GPATCH2L: variants seen among roughly 807,000 people sequenced by gnomAD.
GPATCH2L encodes the protein G-patch domain containing 2 like.
In GPATCH2L, 31 loss-of-function variants were observed where a neutral mutation model predicts 57.4. That is an observed-to-expected ratio of 0.54 (90% CI 0.41 to 0.73). The LOEUF (loss-of-function observed/expected upper bound fraction) is 0.73, where lower values mean the gene tolerates loss of function less well. GPATCH2L is among the 30% of genes least tolerant of loss of function. The pLI, the probability that GPATCH2L is intolerant of heterozygous loss-of-function variation, is 0.00. For missense variants in GPATCH2L, 481 were observed against 599.9 expected (o/e 0.80, Z 2.07); for synonymous variants, 199 against 210.7 (o/e 0.94, Z 0.48).
intron 5 of GPATCH2L, chr14:76,176,297 T>TA (rs1170038996): frequency 4.9e-6 from 1 of 205,526 alleles, no homozygotes. Context: ...TTGAATTTTC[T>TA]AAAAAAGGAT....
intron 2 of GPATCH2L, among the ~76,000 whole-genome samples, chr14:76,161,612 T>A (rs529046974): frequency 6.2e-4 from 95 of 152,316 alleles, no homozygotes; most frequent in Admixed American, 9.2e-4. Flanking sequence ...CCCTGGCAAT[T>A]TTGGGAATTC....
At chr14:76,177,107 A>T (rs1024355311) in intron 6 of GPATCH2L, among the ~76,000 whole-genome samples, 1 of 152,050 alleles carries the variant, frequency 6.6e-6, no homozygotes, top group East Asian at 1.9e-4. Flanking sequence ...GTGCAGTGGC[A>T]GAGTCATGGC....
chr14:76,189,065 G>A (rs2139767930), intron 8 of GPATCH2L, among the ~76,000 whole-genome samples: 1 of 152,156 alleles, frequency 6.6e-6, no homozygotes, highest in Non-Finnish European at 1.5e-5. Context: ...TGGTCTATGT[G>A]TCTGTTTTTA....
At chr14:76,200,911 G>T (rs1023561231) in intron 9 of GPATCH2L, among the ~76,000 whole-genome samples, 1 of 152,180 alleles carries the variant, frequency 6.6e-6, no homozygotes, top group African/African-American at 2.4e-5. Flanking sequence ...GATGATGGTG[G>T]TTTGTGCCAC....
In GPATCH2L at chr14:76,154,021, AT is replaced by A. The variant is rs1024834434; in HGVS notation, c.-10-331del. ...ATTAGGTAATTCAATGACAAGTTTA[AT>A]TGGGGAAAAGAGAGAAGGATCTAGT... On this transcript the variant is annotated intron_variant, in intron 1 of 9. Transcript: ENST00000261530. This position sits in a 1 kb window ranked among gnomAD's most constrained non-coding sequence, Gnocchi z 4.4. The A allele has an allele frequency of 3.6e-5, 7 of 194,124 alleles. No individual in the cohort carries two copies. The highest frequency in any genetic ancestry group is 1.6e-4 in the African/African-American group (7 of 42,662). 12.0% of individuals were successfully genotyped at this position (194,124 alleles called of 1,614,324 possible).
At chr14:76,196,029 A>C (rs754456279) in intron 9 of GPATCH2L, 57 bp downstream of exon 9, 14 of 1,238,898 alleles carry the variant, frequency 1.1e-5, no homozygotes, top group Non-Finnish European at 1.7e-5. Flanking sequence ...GCACTAAATT[A>C]TGTGTTTTGT....
chr14:76,158,314 G>A (rs1023385412), intron 2 of GPATCH2L, among the ~76,000 whole-genome samples: 2 of 152,096 alleles, frequency 1.3e-5, no homozygotes, highest in African/African-American at 4.8e-5. Flanking sequence ...GACCTTCTGC[G>A]GCCCTTTGGT....
intron 9 of GPATCH2L, 141 bp downstream of exon 9, chr14:76,196,113 A>G: frequency 1.3e-6 from 1 of 742,850 alleles, no homozygotes; most frequent in Non-Finnish European, 2.4e-6. Flanking sequence ...CTGAGACTAC[A>G]AGAAATAATT....
At chr14:76,187,229 T>C (rs2039800727) in intron 8 of GPATCH2L, among the ~76,000 whole-genome samples, 1 of 152,014 alleles carries the variant, frequency 6.6e-6, no homozygotes, top group South Asian at 2.1e-4. Flanking sequence ...TTTCTCCTTT[T>C]ACCCTAGCAC....
At position 76,180,733 on chromosome 14, in the gene GPATCH2L, C is replaced by G. The variant is rs764425799; in HGVS notation, c.1108-31C>G. The G allele has an allele frequency of 1.8e-5, 26 of 1,429,294 alleles. No homozygotes were observed. The South Asian group carries it at 2.9e-4, about 16-fold the overall frequency. The allele number at this position is 1,429,294 out of a possible 1,614,324, so 88.5% of individuals were successfully genotyped here. ...AGGATCAGGTCCGTTTCATGTAAGC[C>G]TTACTAAAATAGTCTTATTCATTCC... On this transcript the variant is annotated intron_variant, in intron 7 of 9. Transcript: ENST00000261530.
intron 1 of GPATCH2L, among the ~76,000 whole-genome samples, chr14:76,153,246 A>C (rs929686119): frequency 6.6e-6 from 1 of 152,266 alleles, no homozygotes; most frequent in African/African-American, 2.4e-5. Context: ...ACCACTTAGA[A>C]TTTTAAGCTG....
chr14:76,175,042 T>C (rs1050667304), intron 5 of GPATCH2L: 2 of 152,240 alleles, frequency 1.3e-5, no homozygotes, highest in Non-Finnish European at 2.9e-5. Context: ...TGGGAGCTTA[T>C]TGTTAACAGG....
At chr14:76,196,437 GTT>G (rs78248589) in intron 9 of GPATCH2L, 363 of 129,396 alleles carry the variant, frequency 2.8e-3, no homozygotes, top group South Asian at 0.011. Context: ...AAACTTTTCA[GTT>G]TTTTTTTTTT....
downstream of GPATCH2L, among the ~76,000 whole-genome samples, chr14:76,218,821 G>A (rs2040500764): frequency 1.3e-5 from 2 of 151,974 alleles, no homozygotes; most frequent in East Asian, 3.9e-4. Flanking sequence ...CGAGAATTGA[G>A]AATATGATAA....
At position 76,180,773 on chromosome 14, in the gene GPATCH2L, CT is replaced by C; in HGVS notation, c.1118del (p.Leu373ArgfsTer82). 1 of 1,609,900 alleles carries C rather than the reference CT, an allele frequency of 6.2e-7. No individual in the cohort carries two copies. The highest frequency in any genetic ancestry group is 8.5e-7 in the Non-Finnish European group (1 of 1,176,114). ...ISACAHEFNP[L>X]SPLYSLDVLA... ...TTATTCATTCCTGCAGTTCAATCCC[CT>C]GTCTCCCCTTTACTCCCTGGATGTT... On this transcript the variant is annotated frameshift_variant, in exon 8 of 10. Transcript: ENST00000261530. LOFTEE classifies it high-confidence loss of function.
chr14:76,188,670 T>C (rs894249149), intron 8 of GPATCH2L, among the ~76,000 whole-genome samples: 1 of 152,100 alleles, frequency 6.6e-6, no homozygotes, highest in Admixed American at 6.6e-5. Context: ...ATTCACTTTG[T>C]TGATTGTTTC....
rs752559402 is a variant in GPATCH2L at position 76,154,995 on chromosome 14, A to G, written c.632A>G (p.Lys211Arg). Residue 211 changes from lysine (K) to arginine (R), a missense_variant, in exon 2 of 10, where the codon AAA becomes AGA. Physicochemically the swap from Lys to Arg is conservative, Grantham distance 26. Transcript: ENST00000261530. The surrounding 1 kb of genome is among the most constrained non-coding windows in gnomAD (Gnocchi z 4.4). ...ERMECETDEQKQGSDENMSEC... is the reference protein window; with the variant it reads ...ERMECETDEQRQGSDENMSEC... ...ATGGAGTGTGAAACAGATGAACAAAAACAGGGCTCTGATGAGAACATGTCA... is the reference window on the plus strand; with the variant it reads ...ATGGAGTGTGAAACAGATGAACAAAGACAGGGCTCTGATGAGAACATGTCA... 1.9e-6 allele frequency: 3 copies of G among 1,613,206 alleles called. No homozygotes were observed. Among genetic ancestry groups the G allele is most frequent in the Non-Finnish European group, 2.5e-6 (3 of 1,179,954 alleles).
At chr14:76,218,312 A>G (rs1309217432), downstream of GPATCH2L, among the ~76,000 whole-genome samples, 1 of 152,178 alleles carries the variant, frequency 6.6e-6, no homozygotes, top group African/African-American at 2.4e-5. Context: ...TAGAAACTAA[A>G]GAAGACTAAC....
At chr14:76,220,876 A>T (rs1336371834) in intron 1 of GPATCH2L, among the ~76,000 whole-genome samples, 3 of 152,184 alleles carry the variant, frequency 2.0e-5, no homozygotes, top group Non-Finnish European at 4.4e-5. Flanking sequence ...GTTAGACAAT[A>T]TTTGGAACTA....
Sources: allele counts gnomAD v4.1 joint callset (sites outside exome capture counted in the v4.1 genomes callset), GRCh38; gene constraint gnomAD v4.1.1; non-coding constraint Gnocchi (gnomAD v3.1); transcripts MANE v1.5; gene names NCBI Gene and HGNC (gene_info 2026-07-23, HGNC 2026-07-21).